The following SORCS3 variants were observed in gnomAD, a reference collection of about 807,000 sequenced individuals.
SORCS3 encodes VPS10 domain-containing receptor SorCS3.
In SORCS3, 57 loss-of-function variants were observed where a neutral mutation model predicts 146.3. That is an observed-to-expected ratio of 0.39 (90% CI 0.31 to 0.49). SORCS3 has a LOEUF of 0.49. SORCS3 is among the 20% of genes least tolerant of loss of function. SORCS3 has a pLI of 0.92. For synonymous variants in SORCS3, 653 were observed against 618.5 expected, an observed-to-expected ratio of 1.06 and a Z score of -0.83; for missense variants, 1,341 against 1,575.5, an observed-to-expected ratio of 0.85 and a Z score of 2.52.
intron 13 of SORCS3, among the ~76,000 whole-genome samples, chr10:105,176,912 T>C (rs972561308): frequency 4.7e-5 from 7 of 149,808 alleles, no homozygotes; most frequent in African/African-American, 1.5e-4. Context: ...ACATCTTATT[T>C]ACCATTATAT....
rs1424867937 is a variant in SORCS3 at position 105,011,102 on chromosome 10, CTGT to C, written c.955-31948_955-31946del. Among the ~76,000 whole-genome samples the C allele has an allele frequency of 9.8e-5, 15 of 152,300 alleles. No homozygotes were observed. In the East Asian group the frequency reaches 2.7e-3, roughly 27 times the overall value. On this transcript the variant is annotated intron_variant, in intron 4 of 26. Coordinates refer to ENST00000369701, the MANE Select transcript of SORCS3 (RefSeq NM_014978.3). ...TGACTTTGTATGAAAAGCCGGACTG[CTGT>C]TGTTCTTTAGATAGGAAACCAGGCT... is the stretch of plus-strand genomic sequence containing the variant.
intron 6 of SORCS3, among the ~76,000 whole-genome samples, chr10:105,093,136 A>G (rs564615926): frequency 6.6e-6 from 1 of 152,332 alleles, no homozygotes; most frequent in African/African-American, 2.4e-5. Context: ...GCAGGATATA[A>G]CACATTCGGT....
intron 1 of SORCS3, among the ~76,000 whole-genome samples, chr10:104,696,342 GATATATATCAT>G (rs1349948321): frequency 0.031 from 21 of 674 alleles, 9 homozygotes; most frequent in African/African-American, 0.075. Flanking sequence ...TATGATATAT[GATATATATCAT>G]ATATATATCA....
intron 6 of SORCS3, among the ~76,000 whole-genome samples, chr10:105,092,999 CA>C (rs1476933892): frequency 6.6e-6 from 1 of 152,122 alleles, no homozygotes. Flanking sequence ...AAATGAAATA[CA>C]ATTCATATAG....
In SORCS3 at chr10:104,977,318, C is replaced by T. The variant is rs370608775; in HGVS notation, c.796-17C>T. 1.2e-4 allele frequency: 187 copies of T among 1,600,912 alleles called. No individual in the cohort carries two copies. In the African/African-American group the frequency reaches 2.1e-3, roughly 18 times the overall value. ...CTACTAACTCTGTCTGTATATGTCC[C>T]TCTATCCTTTCTTTAGATTATGCTT... On this transcript the variant is annotated splice_polypyrimidine_tract_variant and intron_variant, in intron 3 of 26. Coordinates refer to ENST00000369701, the MANE Select transcript of SORCS3 (RefSeq NM_014978.3).
At chr10:104,980,699 T>C (rs2054927139) in intron 4 of SORCS3, among the ~76,000 whole-genome samples, 1 of 152,178 alleles carries the variant, frequency 6.6e-6, no homozygotes, top group African/African-American at 2.4e-5. Context: ...TCTTTAGAGT[T>C]GGTAAGGCTA....
intron 1 of SORCS3, among the ~76,000 whole-genome samples, chr10:104,742,555 A>G (rs1477030503): frequency 6.6e-6 from 1 of 152,194 alleles, no homozygotes; most frequent in African/African-American, 2.4e-5. Context: ...TGACTCCAGG[A>G]ATTTGACTCA....
chr10:105,205,370 A>G (rs1298082013), intron 16 of SORCS3, among the ~76,000 whole-genome samples: 2 of 152,206 alleles, frequency 1.3e-5, no homozygotes, highest in Admixed American at 6.5e-5. Context: ...AACTTTCTCC[A>G]GAGCGAGTAT....
chr10:104,910,351 A>G (rs1372103406), intron 2 of SORCS3, among the ~76,000 whole-genome samples: 1 of 152,182 alleles, frequency 6.6e-6, no homozygotes, highest in East Asian at 1.9e-4. Flanking sequence ...ACCCCAGAAA[A>G]ACTTTTCTTC....
At chr10:104,776,618 A>G (rs1293701982) in intron 1 of SORCS3, among the ~76,000 whole-genome samples, 2 of 152,122 alleles carry the variant, frequency 1.3e-5, no homozygotes, top group African/African-American at 4.8e-5. Context: ...CATCAAATAT[A>G]TAGTTTGCAA....
chr10:105,113,686 C>A (rs1257639082), intron 7 of SORCS3, among the ~76,000 whole-genome samples: 1 of 152,136 alleles, frequency 6.6e-6, no homozygotes, highest in Non-Finnish European at 1.5e-5. Flanking sequence ...GATGGTTTTG[C>A]TTGGGGGAAC....
Position 104,774,906 on chromosome 10 carries a change from A to G in SORCS3, c.628-67886A>G, listed in dbSNP as rs1473494365. On this transcript the variant is annotated intron_variant, in intron 1 of 26. Coordinates refer to ENST00000369701, the MANE Select transcript of SORCS3 (RefSeq NM_014978.3). ...ATGAACTTCACCAACGAGCTGAGAC[A>G]TTCCTATTTAGGCTTGTTTTATGTT... Among the ~76,000 whole-genome samples the G allele has an allele frequency of 2.6e-5, 4 of 152,204 alleles. No homozygotes were observed. In the East Asian group the frequency reaches 7.7e-4, roughly 29 times the overall value.
intron 8 of SORCS3, among the ~76,000 whole-genome samples, chr10:105,143,648 T>C (rs2056110444): frequency 6.6e-6 from 1 of 152,192 alleles, no homozygotes; most frequent in Non-Finnish European, 1.5e-5. Flanking sequence ...TCAGAGAACA[T>C]AGTTTATGCT....
chr10:104,668,968 C>A (rs761972131), intron 1 of SORCS3, among the ~76,000 whole-genome samples: 1 of 152,148 alleles, frequency 6.6e-6, no homozygotes, highest in Non-Finnish European at 1.5e-5. Flanking sequence ...TATCTTCCAG[C>A]GGGGAAGTTA....
chr10:104,766,852 C>T (rs1373005774), intron 1 of SORCS3, among the ~76,000 whole-genome samples: 2 of 152,186 alleles, frequency 1.3e-5, no homozygotes, highest in African/African-American at 4.8e-5. Context: ...ATGGCAACTT[C>T]CTTTCTGTTT....
At chr10:104,941,651 A>G (rs186152730) in intron 3 of SORCS3, among the ~76,000 whole-genome samples, 1 of 152,298 alleles carries the variant, frequency 6.6e-6, no homozygotes, top group East Asian at 1.9e-4. Context: ...ATCCAATTAA[A>G]ACTTTCAGGA....
chr10:104,768,354 G>A (rs912113255), intron 1 of SORCS3, among the ~76,000 whole-genome samples: 1 of 152,290 alleles, frequency 6.6e-6, no homozygotes, highest in African/African-American at 2.4e-5. Context: ...TCAGTATTAA[G>A]GAGGTGAACA....
At chr10:105,054,644 T>C (rs990464296) in intron 5 of SORCS3, among the ~76,000 whole-genome samples, 1 of 152,086 alleles carries the variant, frequency 6.6e-6, no homozygotes, top group African/African-American at 2.4e-5. Flanking sequence ...TTTGGACTGG[T>C]TTCCTCTGAC....
intron 7 of SORCS3, among the ~76,000 whole-genome samples, chr10:105,135,036 G>A (rs2056049495): frequency 2.0e-5 from 3 of 151,856 alleles, no homozygotes; most frequent in Admixed American, 2.0e-4. Flanking sequence ...GCAAAAGGAA[G>A]GAAGGAATGA....
Sources: gnomAD v4.1 joint callset for allele counts (sites outside exome capture counted in the v4.1 genomes callset) on GRCh38, gnomAD v4.1.1 for gene constraint, MANE v1.5 for transcripts, NCBI Gene and HGNC (gene_info 2026-07-23, HGNC 2026-07-21) for gene names.